XKR4: variants seen among roughly 807,000 people sequenced by gnomAD.
The protein encoded by XKR4 is XK-related protein 4.
In XKR4, 12 loss-of-function variants were observed where a neutral mutation model predicts 53.9. That is an observed-to-expected ratio of 0.22 (90% CI 0.14 to 0.36). The LOEUF is 0.36. Among genes scored for constraint, XKR4 ranks in the 10% least tolerant of loss-of-function variants. The probability of loss-of-function intolerance (pLI) is 1.00; values close to 1 mark genes in which losing one functional copy is unlikely to be tolerated. For missense variants in XKR4, 799 were observed against 859.5 expected (o/e 0.93, Z 0.88); for synonymous variants, 354 against 362.4 (o/e 0.98, Z 0.26).
chr8:55,321,056 T>TC (rs1803204890), intron 1 of XKR4, among the ~76,000 whole-genome samples: 1 of 152,110 alleles, frequency 6.6e-6, no homozygotes, highest in Admixed American at 6.6e-5. Context: ...TCTGCTTGCC[T>TC]CTCTTGTGCC....
chr8:55,150,350 G>A (rs537538586), intron 1 of XKR4, among the ~76,000 whole-genome samples: 1 of 152,288 alleles, frequency 6.6e-6, no homozygotes, highest in South Asian at 2.1e-4. Flanking sequence ...ATGCTGGTAT[G>A]TTTTAGTATA....
chr8:55,386,904 T>C (rs1159618278), intron 2 of XKR4, among the ~76,000 whole-genome samples: 1 of 152,248 alleles, frequency 6.6e-6, no homozygotes, highest in Non-Finnish European at 1.5e-5. Flanking sequence ...TCTGATACAT[T>C]GTATCATATA....
intron 1 of XKR4, among the ~76,000 whole-genome samples, chr8:55,141,914 C>T (rs924696481): frequency 1.1e-4 from 16 of 152,094 alleles, no homozygotes; most frequent in Admixed American, 1.0e-3. Context: ...AGGAGCTCTA[C>T]CTCCAAGTGG....
At chr8:55,416,692 G>T (rs905468718) in intron 2 of XKR4, among the ~76,000 whole-genome samples, 4 of 152,220 alleles carry the variant, frequency 2.6e-5, no homozygotes, top group African/African-American at 9.6e-5. Context: ...GGGCCCATCA[G>T]TCAGCTCATT....
In XKR4 at chr8:55,333,012, C is replaced by A. The variant is rs531966643; in HGVS notation, c.807-24666C>A. The stretch of plus-strand genomic sequence containing the variant: ...ACCTGTTTTGAGTCTGCTGTTGAAC[C>A]CTCTGGTGAATTTTTCAATTCATTT... On this transcript the variant is annotated intron_variant, in intron 1 of 2. Transcript: ENST00000327381. Among the ~76,000 whole-genome samples the A allele has an allele frequency of 7.2e-5, 11 of 151,776 alleles. No individual in the cohort carries two copies. In the South Asian group the frequency reaches 2.1e-3, roughly 29 times the overall value.
chr8:55,130,815 A>G (rs1186152352), intron 1 of XKR4, among the ~76,000 whole-genome samples: 1 of 152,102 alleles, frequency 6.6e-6, no homozygotes, highest in Non-Finnish European at 1.5e-5. Context: ...ATCTGAACAT[A>G]ATCTATTGAC....
intron 2 of XKR4, among the ~76,000 whole-genome samples, chr8:55,430,945 G>C (rs1805095042): frequency 6.6e-6 from 1 of 152,206 alleles, no homozygotes; most frequent in Admixed American, 6.5e-5. Context: ...ACACGAATGT[G>C]GGGCAACAGA....
chr8:55,321,408 C>T (rs1803209912), intron 1 of XKR4, among the ~76,000 whole-genome samples: 1 of 152,158 alleles, frequency 6.6e-6, no homozygotes, highest in African/African-American at 2.4e-5. Context: ...TGACTTTCTG[C>T]TCAGCCTACC....
At chr8:55,419,449 T>C (rs1430079750) in intron 2 of XKR4, among the ~76,000 whole-genome samples, 1 of 152,242 alleles carries the variant, frequency 6.6e-6, no homozygotes, top group Admixed American at 6.5e-5. Context: ...CTTTTAAATC[T>C]GACTGTTCTA....
At chr8:55,246,877 G>A (rs1367936890) in intron 1 of XKR4, among the ~76,000 whole-genome samples, 1 of 152,150 alleles carries the variant, frequency 6.6e-6, no homozygotes, top group Non-Finnish European at 1.5e-5. Flanking sequence ...CTCCCAGAGA[G>A]TCGTGGAGAT....
chr8:55,201,733 T>C (rs1271778534), intron 1 of XKR4, among the ~76,000 whole-genome samples: 2 of 152,218 alleles, frequency 1.3e-5, no homozygotes, highest in Non-Finnish European at 2.9e-5. Context: ...GATGGCTGCA[T>C]GGCCCAATTG....
chr8:55,112,239 A>G (rs531407157), intron 1 of XKR4, among the ~76,000 whole-genome samples: 1 of 152,330 alleles, frequency 6.6e-6, no homozygotes, highest in Admixed American at 6.5e-5. Context: ...TAATTTATAC[A>G]CATGCCATAT....
chr8:55,411,760 G>A (rs1052549080), intron 2 of XKR4, among the ~76,000 whole-genome samples: 1 of 152,130 alleles, frequency 6.6e-6, no homozygotes, highest in Non-Finnish European at 1.5e-5. Context: ...TGTCACCAAG[G>A]TGGCGAAGTG....
At chr8:55,239,958 A>G (rs1483296189) in intron 1 of XKR4, among the ~76,000 whole-genome samples, 4 of 152,128 alleles carry the variant, frequency 2.6e-5, no homozygotes, top group African/African-American at 4.8e-5. Context: ...CTCTGCCACC[A>G]CCAGGCTGAA....
At chr8:55,505,486 G>T (rs1278119562) in intron 2 of XKR4, among the ~76,000 whole-genome samples, 3 of 152,154 alleles carry the variant, frequency 2.0e-5, no homozygotes, top group Non-Finnish European at 4.4e-5. Flanking sequence ...AGGAGTTCCA[G>T]GTTGCAGTGA....
intron 1 of XKR4, among the ~76,000 whole-genome samples, chr8:55,209,049 CA>C (rs1267969984): frequency 3.9e-5 from 6 of 152,084 alleles, no homozygotes; most frequent in Non-Finnish European, 8.8e-5. Context: ...AATATCTTCC[CA>C]AAAGATCTCC....
In XKR4 at chr8:55,540,682, G is replaced by A. The variant is rs191554186; in HGVS notation, c.*16455G>A. The A allele has an allele frequency of 8.7e-4, 132 of 152,274 alleles. No individual in the cohort carries two copies. The highest frequency in any genetic ancestry group is 3.1e-3 in the African/African-American group (127 of 41,560). The allele number at this position is 152,274 out of a possible 1,614,324, so 9.4% of individuals were successfully genotyped here. A position where few individuals can be genotyped will look rare whatever the true frequency, so the allele number is the denominator to read the frequency against. On this transcript the variant is annotated 3_prime_UTR_variant, in exon 3 of 3. Transcript: ENST00000327381. ...TTTCTTCTCTCTTTGAAACCAAATA[G>A]CACGCTGAATTTAGGGCTATGACAA...
intron 1 of XKR4, among the ~76,000 whole-genome samples, chr8:55,333,552 G>A (rs576767214): frequency 5.9e-5 from 9 of 152,106 alleles, no homozygotes; most frequent in African/African-American, 1.9e-4. Flanking sequence ...CATGACCTTA[G>A]CTGTTCTATT....
intron 1 of XKR4, among the ~76,000 whole-genome samples, chr8:55,313,907 AC>A (rs1819422275): frequency 6.6e-6 from 1 of 152,170 alleles, no homozygotes. Context: ...AGTGTTTCTG[AC>A]CTAGTCATTT....
Sources: gnomAD v4.1 joint callset for allele counts (sites outside exome capture counted in the v4.1 genomes callset) on GRCh38, gnomAD v4.1.1 for gene constraint, MANE v1.5 for transcripts, NCBI Gene and HGNC (gene_info 2026-07-23, HGNC 2026-07-21) for gene names.